Variants in RASAL2 observed in about 807,000 individuals in gnomAD.
RASAL2 encodes the protein ras GTPase-activating protein nGAP.
In RASAL2, 58 loss-of-function variants were observed where a neutral mutation model predicts 128.9. That is an observed-to-expected ratio of 0.45 (90% CI 0.36 to 0.56). The LOEUF (loss-of-function observed/expected upper bound fraction) is 0.56, where lower values mean the gene tolerates loss of function less well. Among genes scored for constraint, RASAL2 ranks in the 20% least tolerant of loss-of-function variants. The pLI, the probability that RASAL2 is intolerant of heterozygous loss-of-function variation, is 0.00. For missense variants in RASAL2, 1,360 were observed against 1,601.6 expected (o/e 0.85, Z 2.57); for synonymous variants, 561 against 580.8 (o/e 0.97, Z 0.49).
At chr1:178,453,109 T>G (rs1677504805) in intron 11 of RASAL2, among the ~76,000 whole-genome samples, 1 of 152,034 alleles carries the variant, frequency 6.6e-6, no homozygotes, top group South Asian at 2.1e-4. Context: ...AAAGACAATT[T>G]TATGAAAAAT....
intron 9 of RASAL2, among the ~76,000 whole-genome samples, chr1:178,449,147 G>A (rs915856601): frequency 6.6e-6 from 1 of 152,106 alleles, no homozygotes; most frequent in African/African-American, 2.4e-5. Flanking sequence ...TTTAAAAGTT[G>A]CCAGTAATAG....
chr1:178,209,500 C>T (rs931476299), intron 1 of RASAL2, among the ~76,000 whole-genome samples: 2 of 152,138 alleles, frequency 1.3e-5, no homozygotes, highest in African/African-American at 4.8e-5. Context: ...TTTTTCCATT[C>T]CTATATAGGT....
rs745498637 is a variant in RASAL2, at chr1:178,443,511, G to A, written c.1482+282G>A. On this transcript the variant is annotated intron_variant, in intron 8 of 17. Coordinates refer to ENST00000367649, the MANE Select transcript of RASAL2 (RefSeq NM_170692.4). ...ACAAAATAAATGGTAGGATTGGCAC[G>A]ATAACCCTACAGCATGTTCAAGGTT... 1.2e-4 allele frequency among the ~76,000 whole-genome samples: 18 copies of A among 152,154 alleles called. No homozygotes were observed. The South Asian group carries it at 1.9e-3, about 16-fold the overall frequency.
intron 3 of RASAL2, among the ~76,000 whole-genome samples, chr1:178,320,400 C>G (rs998950581): frequency 1.3e-5 from 2 of 152,204 alleles, no homozygotes; most frequent in Non-Finnish European, 1.5e-5. Context: ...GCCTCGCTGC[C>G]GCCTTGCAGT....
intron 17 of RASAL2, among the ~76,000 whole-genome samples, chr1:178,469,283 T>C (rs1019659908): frequency 6.6e-6 from 1 of 151,998 alleles, no homozygotes; most frequent in African/African-American, 2.4e-5. Context: ...AGCGACAAAG[T>C]GAGACCCTGT....
rs1338322640 is a variant in RASAL2 at position 178,478,357 on chromosome 1, T to TG, written c.*5119dup. On this transcript the variant is annotated 3_prime_UTR_variant, in exon 18 of 18. Transcript: ENST00000367649. ...AAAGGTTAAATACTAATTGACTCAA[T>TG]GACCACCTTCAGGAAAGTTAAATAG... is the stretch of plus-strand genomic sequence containing the variant. 1 of 152,246 alleles carries TG rather than the reference T, an allele frequency of 6.6e-6. No homozygotes were observed. Among genetic ancestry groups the TG allele is most frequent in the Non-Finnish European group, 1.5e-5 (1 of 68,036 alleles). The allele number at this position is 152,246 out of a possible 1,614,324, so 9.4% of individuals were successfully genotyped here. A position where few individuals can be genotyped will look rare whatever the true frequency, so the allele number is the denominator to read the frequency against.
chr1:178,312,296 A>G (rs556100851), intron 3 of RASAL2, among the ~76,000 whole-genome samples: 18 of 152,196 alleles, frequency 1.2e-4, no homozygotes, highest in Admixed American at 2.0e-4. Context: ...ACAAACCTGC[A>G]AAAAAAGGGA....
At chr1:178,452,357 C>T in intron 10 of RASAL2, 59 bp from the exon 11 acceptor site, 1 of 1,432,390 alleles carries the variant, frequency 7.0e-7, no homozygotes. Flanking sequence ...GGTGGAATCA[C>T]TTGTGCTTGT....
intron 1 of RASAL2, among the ~76,000 whole-genome samples, chr1:178,149,149 C>T (rs1225863310): frequency 1.3e-5 from 2 of 152,130 alleles, no homozygotes; most frequent in African/African-American, 4.8e-5. Flanking sequence ...CTCCAAATTA[C>T]TCACTAATTT....
At chr1:178,267,685 T>G (rs1193006825) in intron 1 of RASAL2, among the ~76,000 whole-genome samples, 1 of 148,784 alleles carries the variant, frequency 6.7e-6, no homozygotes, top group East Asian at 2.0e-4. Context: ...CAGGGCTCAC[T>G]GCAATCTCCA....
chr1:178,441,841 G>A (rs1572080677), intron 7 of RASAL2, among the ~76,000 whole-genome samples, 194 bp downstream of exon 7: 2 of 152,080 alleles, frequency 1.3e-5, no homozygotes, highest in African/African-American at 2.4e-5. Flanking sequence ...AATTTATCAA[G>A]AAAAGCAGTT....
intron 3 of RASAL2, among the ~76,000 whole-genome samples, chr1:178,319,866 C>T (rs1399800724): frequency 2.0e-5 from 3 of 152,216 alleles, no homozygotes; most frequent in Admixed American, 1.3e-4. Context: ...GGAGGAGAGA[C>T]GCTCTGCGTT....
intron 1 of RASAL2, among the ~76,000 whole-genome samples, chr1:178,280,581 A>G (rs1666736011): frequency 1.3e-5 from 2 of 152,110 alleles, no homozygotes; most frequent in African/African-American, 4.8e-5. Flanking sequence ...GAAAGTGGAG[A>G]ATTGCTGGTC....
chr1:178,285,433 C>T (rs10798604), intron 2 of RASAL2, among the ~76,000 whole-genome samples: 38,204 of 152,082 alleles, frequency 0.25, 7,604 homozygotes, highest in African/African-American at 0.56. Context: ...ATTGCTACTT[C>T]CAAGAGGCTT....
chr1:178,241,082 A>T (rs901446998), intron 1 of RASAL2, among the ~76,000 whole-genome samples: 2 of 152,050 alleles, frequency 1.3e-5, no homozygotes, highest in Non-Finnish European at 2.9e-5. Context: ...ATGATTTATA[A>T]ATAAAATTTT....
chr1:178,310,219 G>A (rs553566595), intron 3 of RASAL2, among the ~76,000 whole-genome samples: 5 of 152,256 alleles, frequency 3.3e-5, no homozygotes, highest in African/African-American at 1.2e-4. Flanking sequence ...TTGTGCATAA[G>A]GAAACACAGA....
intron 1 of RASAL2, among the ~76,000 whole-genome samples, chr1:178,135,170 A>G (rs866760503): frequency 2.0e-5 from 3 of 152,250 alleles, no homozygotes; most frequent in South Asian, 2.1e-4. Flanking sequence ...TAATCTTAAA[A>G]CGTCTATAAA....
At position 178,311,487 on chromosome 1, in the gene RASAL2, G is replaced by A. The variant is rs1668249301; in HGVS notation, c.457+11369G>A. On this transcript the variant is annotated intron_variant, in intron 3 of 17. Transcript: ENST00000367649. ...CTCTTCCCCATTCCACTGAACAACT[G>A]TTCTTCCTACCTATACCTCCACCTT... is the stretch of plus-strand genomic sequence containing the variant. 2.0e-5 allele frequency among the ~76,000 whole-genome samples: 3 copies of A among 151,580 alleles called. No homozygotes were observed. In the South Asian group the frequency reaches 6.2e-4, roughly 31 times the overall value.
intron 1 of RASAL2, among the ~76,000 whole-genome samples, chr1:178,095,448 G>C (rs1352006237): frequency 3.3e-5 from 5 of 152,202 alleles, no homozygotes; most frequent in Non-Finnish European, 7.3e-5. Context: ...TTTATAGCCT[G>C]GCATTCAGGA....
Sources: gnomAD v4.1 joint callset for allele counts (sites outside exome capture counted in the v4.1 genomes callset) on GRCh38, gnomAD v4.1.1 for gene constraint, MANE v1.5 for transcripts, NCBI Gene and HGNC (gene_info 2026-07-23, HGNC 2026-07-21) for gene names.